MED29: variants seen among roughly 807,000 people sequenced by gnomAD.
MED29 encodes the protein mediator complex subunit 29, also known as mediator of RNA polymerase II transcription subunit 29.
A neutral mutation model predicts 22.0 loss-of-function variants in MED29; 14 were observed. That is an observed-to-expected ratio of 0.64 (90% CI 0.42 to 0.99). The LOEUF (loss-of-function observed/expected upper bound fraction) is 0.99. Ranked by LOEUF, MED29 falls within the 50% of genes least tolerant of loss-of-function variation. The probability of loss-of-function intolerance (pLI) is 0.00; values close to 1 mark genes in which losing one functional copy is unlikely to be tolerated. For synonymous variants in MED29, 123 were observed against 107.8 expected, an observed-to-expected ratio of 1.14 and a Z score of -0.87; for missense variants, 241 against 253.7, an observed-to-expected ratio of 0.95 and a Z score of 0.34.
At chr19:39,394,455 C>G (rs2078417198) in intron 3 of MED29, among the ~76,000 whole-genome samples, 1 of 151,522 alleles carries the variant, frequency 6.6e-6, no homozygotes, top group Admixed American at 6.6e-5. Context: ...TGGGGTTTCA[C>G]CATTTTGGCC....
rs1473314490 is a variant in MED29 at position 39,400,560 on chromosome 19, T to C, written c.*2861T>C. The C allele has an allele frequency of 6.6e-6, 1 of 152,210 alleles. No individual in the cohort carries two copies. Among genetic ancestry groups the C allele is most frequent in the Non-Finnish European group, 1.5e-5 (1 of 68,034 alleles). 9.4% of individuals were successfully genotyped at this position (152,210 alleles called of 1,614,324 possible). ...TGAAAAACATTAAAAGTTTGAGAAC[T>C]TAAGTTGGATTGTGGTTTCGTGAGC... On this transcript the variant is annotated 3_prime_UTR_variant, in exon 4 of 4. Transcript: ENST00000315588.
In MED29 at chr19:39,391,384, C is replaced by A. The variant is rs777259349; in HGVS notation, c.-39C>A. The A allele has an allele frequency of 3.7e-6, 6 of 1,600,656 alleles. No individual in the cohort carries two copies. Among genetic ancestry groups the A allele is most frequent in the Non-Finnish European group, 4.3e-6 (5 of 1,169,374 alleles). On this transcript the variant is annotated 5_prime_UTR_variant, in exon 1 of 4. Transcript: ENST00000315588. ...GATGCTGAAAAGCAACGGGGAGAGA[C>A]GCAGTCGTAACGCACTTCCGGCGGT... is the stretch of plus-strand genomic sequence containing the variant.
intron 3 of MED29, among the ~76,000 whole-genome samples, chr19:39,395,122 G>A (rs988250929): frequency 1.3e-5 from 2 of 152,220 alleles, no homozygotes; most frequent in African/African-American, 4.8e-5. Flanking sequence ...CCAAGCGCTG[G>A]GATTACAGAC....
chr19:39,392,396 G>A, intron 1 of MED29, 68 bp from the exon 2 acceptor site: 1 of 1,357,050 alleles, frequency 7.4e-7, no homozygotes. Flanking sequence ...AAGAAAGAGT[G>A]TAGATCTGCC....
At chr19:39,395,491 G>A (rs1040749115) in intron 3 of MED29, among the ~76,000 whole-genome samples, 2 of 152,176 alleles carry the variant, frequency 1.3e-5, no homozygotes, top group Non-Finnish European at 2.9e-5. Flanking sequence ...CCACCAGGGC[G>A]GGGTCGTGAG....
intron 3 of MED29, among the ~76,000 whole-genome samples, chr19:39,395,017 C>A (rs942238678): frequency 5.3e-5 from 8 of 151,954 alleles, no homozygotes; most frequent in Admixed American, 2.6e-4. Flanking sequence ...CCATGCCTGG[C>A]TAATTTTTGT....
intron 3 of MED29, among the ~76,000 whole-genome samples, chr19:39,396,730 GAA>G (rs1048686675): frequency 8.4e-6 from 1 of 119,476 alleles, no homozygotes; most frequent in Admixed American, 8.4e-5. Context: ...CACCTCAAAA[GAA>G]AAAAAAAAAA....
At position 39,393,534 on chromosome 19, in the gene MED29, CT is replaced by C; in HGVS notation, c.276-13del. 6.2e-7 allele frequency: 1 copy of C among 1,610,010 alleles called. No homozygotes were observed. The highest frequency in any genetic ancestry group is 8.5e-7 in the Non-Finnish European group (1 of 1,176,262). ...ATTAGAAATCAATTCTTCAGACATC[CT>C]TTTTTCCTTGTCTGTAGAAAGAGCA... On this transcript the variant is annotated intron_variant, in intron 2 of 3. Transcript: ENST00000315588.
chr19:39,394,268 TG>T (rs1289330533), intron 3 of MED29, among the ~76,000 whole-genome samples: 6 of 151,270 alleles, frequency 4.0e-5, no homozygotes, highest in East Asian at 1.9e-4. Context: ...GTTTTTTTGG[TG>T]GGGGGGTGTG....
intron 1 of MED29, 44 bp from the exon 2 acceptor site, chr19:39,392,418 CTT>C: frequency 4.9e-6 from 7 of 1,433,874 alleles, no homozygotes; most frequent in Non-Finnish European, 6.5e-6. Flanking sequence ...GAGGTATTCC[CTT>C]TTGTTTTTCC....
chr19:39,394,278 T>C (rs1434999338), intron 3 of MED29, among the ~76,000 whole-genome samples: 1 of 151,696 alleles, frequency 6.6e-6, no homozygotes, highest in African/African-American at 2.4e-5. Context: ...TGGGGGGGTG[T>C]GGGGGAGGAC....
chr19:39,400,061 A>G lies in MED29; in HGVS notation c.*2362A>G, dbSNP rs1334611158. 1 of 152,234 alleles carries G rather than the reference A, an allele frequency of 6.6e-6. No homozygotes were observed. The highest frequency in any genetic ancestry group is 2.4e-5 in the African/African-American group (1 of 41,454). The allele number at this position is 152,234 out of a possible 1,614,324, so 9.4% of individuals were successfully genotyped here. On this transcript the variant is annotated 3_prime_UTR_variant, in exon 4 of 4. Coordinates refer to ENST00000315588, the MANE Select transcript of MED29 (RefSeq NM_017592.4). ...AAAGTAAAATATATCAGATGGTGAGAAAACAGAAAAATGAGATCAGAAGTG... is the reference window on the plus strand; with the variant it reads ...AAAGTAAAATATATCAGATGGTGAGGAAACAGAAAAATGAGATCAGAAGTG...
intron 3 of MED29, among the ~76,000 whole-genome samples, chr19:39,395,497 G>A (rs1391869891): frequency 3.9e-5 from 6 of 152,156 alleles, no homozygotes; most frequent in African/African-American, 7.2e-5. Context: ...GGGCGGGGTC[G>A]TGAGGAAATG....
rs519575 is a variant in MED29 at position 39,397,809 on chromosome 19, C to T, written c.*110C>T. 214,002 of 1,475,778 alleles carry T rather than the reference C, an allele frequency of 0.15. 17,389 individuals carry two copies. Among genetic ancestry groups the T allele is most frequent in the South Asian group, 0.28 (20,844 of 74,800 alleles). 91.4% of individuals were successfully genotyped at this position (1,475,778 alleles called of 1,614,324 possible). ...GCCTCCTCTCTTCCTGCCTGAGCAC[C>T]GCAGCGGGAGCCAGCAGGGGGCAGC... is the stretch of plus-strand genomic sequence containing the variant. On this transcript the variant is annotated 3_prime_UTR_variant, in exon 4 of 4. Transcript: ENST00000315588.
chr19:39,395,849 A>G (rs1373226531), intron 3 of MED29, among the ~76,000 whole-genome samples: 1 of 151,870 alleles, frequency 6.6e-6, no homozygotes. Context: ...CCCGGGAGGC[A>G]GAGCTTGCAG....
At chr19:39,392,743 A>G (rs1406418759) in intron 2 of MED29, 3 of 525,384 alleles carry the variant, frequency 5.7e-6, no homozygotes, top group East Asian at 3.1e-5. Flanking sequence ...CTCTTGCCTC[A>G]GCCTCCCAAG....
chr19:39,396,177 G>C (rs1654627), intron 3 of MED29, among the ~76,000 whole-genome samples: 1 of 151,908 alleles, frequency 6.6e-6, no homozygotes, highest in Admixed American at 6.6e-5. Flanking sequence ...GCGGTGGCTT[G>C]TGCCTGTAAC....
At chr19:39,396,507 C>A (rs1238249637) in intron 3 of MED29, among the ~76,000 whole-genome samples, 1 of 151,322 alleles carries the variant, frequency 6.6e-6, no homozygotes, top group African/African-American at 2.4e-5. Context: ...GCGGGTAGAT[C>A]ACGAGGTTAG....
intron 3 of MED29, among the ~76,000 whole-genome samples, chr19:39,396,230 G>A (rs527319545): frequency 1.3e-5 from 2 of 152,098 alleles, no homozygotes; most frequent in Admixed American, 6.5e-5. Flanking sequence ...CACAAGGTCA[G>A]GAGTTCAAGA....
Sources: gnomAD v4.1 joint callset for allele counts (sites outside exome capture counted in the v4.1 genomes callset) on GRCh38, gnomAD v4.1.1 for gene constraint, MANE v1.5 for transcripts, NCBI Gene and HGNC (gene_info 2026-07-23, HGNC 2026-07-21) for gene names.